The following VIT variants were observed in gnomAD, a reference collection of about 807,000 sequenced individuals.
VIT encodes vitrin.
In VIT, 99 loss-of-function variants were observed where a neutral mutation model predicts 78.0. The ratio of observed to expected loss-of-function variants is 1.27; its 90% confidence interval spans 1.08 to 1.50. The LOEUF is 1.50. Among genes scored for constraint, VIT ranks in the 40% most tolerant of loss-of-function variants. VIT has a pLI of 0.00. For synonymous variants in VIT, 374 were observed against 334.3 expected, an observed-to-expected ratio of 1.12 and a Z score of -1.29; for missense variants, 1,126 against 875.3, an observed-to-expected ratio of 1.29 and a Z score of -3.61.
chr2:36,703,831 A>G (rs1558499363), intron 1 of VIT, among the ~76,000 whole-genome samples: 1 of 151,768 alleles, frequency 6.6e-6, no homozygotes, highest in Non-Finnish European at 1.5e-5. Context: ...TCAGTGTTTG[A>G]GGTTTGGGAT....
At chr2:36,703,497 G>A (rs1665202394) in intron 1 of VIT, among the ~76,000 whole-genome samples, 1 of 152,092 alleles carries the variant, frequency 6.6e-6, no homozygotes, top group African/African-American at 2.4e-5. Context: ...CCATTACACA[G>A]TCAATTACAA....
At chr2:36,748,641 T>G (rs560193641) in intron 4 of VIT, among the ~76,000 whole-genome samples, 13 of 152,342 alleles carry the variant, frequency 8.5e-5, no homozygotes, top group African/African-American at 3.1e-4. Flanking sequence ...TTGGATCATT[T>G]TATGGGCTTC....
chr2:36,754,901 A>T lies in VIT; in HGVS notation c.276-20A>T, dbSNP rs778529762. The stretch of plus-strand genomic sequence containing the variant: ...AAATATTTCTGTTCTTTCCTGAAAA[A>T]TTATTTTTTCTCTTCATAGTGGTGT... On this transcript the variant is annotated intron_variant, in intron 4 of 15. Transcript: ENST00000379242. 2 of 1,600,564 alleles carry T rather than the reference A, an allele frequency of 1.2e-6. No homozygotes were observed. The highest frequency in any genetic ancestry group is 1.8e-5 in the Admixed American group (1 of 56,996).
chr2:36,734,951 G>T (rs189163912), intron 3 of VIT, among the ~76,000 whole-genome samples: 1 of 152,212 alleles, frequency 6.6e-6, no homozygotes, highest in East Asian at 1.9e-4. Flanking sequence ...ATCGCCTGAG[G>T]TCAGGAGTTC....
chr2:36,762,981 A>G (rs1669212620), intron 6 of VIT, among the ~76,000 whole-genome samples: 1 of 152,108 alleles, frequency 6.6e-6, no homozygotes, highest in Admixed American at 6.5e-5. Context: ...GAGCTAAATA[A>G]AAACAGGGAA....
chr2:36,782,326 A>C (rs1664814124), intron 10 of VIT, among the ~76,000 whole-genome samples: 1 of 152,186 alleles, frequency 6.6e-6, no homozygotes, highest in South Asian at 2.1e-4. Context: ...TTTCCACGAC[A>C]GGCTCCTGGC....
intron 2 of VIT, among the ~76,000 whole-genome samples, chr2:36,722,343 G>A (rs773708209): frequency 3.3e-5 from 5 of 152,184 alleles, no homozygotes; most frequent in Admixed American, 6.5e-5. Flanking sequence ...CATTAGCCAA[G>A]GGGTTAAAAC....
chr2:36,802,945 A>G (rs1666437479), intron 13 of VIT, among the ~76,000 whole-genome samples: 2 of 152,256 alleles, frequency 1.3e-5, no homozygotes, highest in South Asian at 4.1e-4. Context: ...GGCTTCCTGC[A>G]GAAGTAGGAC....
rs180815493 is a variant in VIT, at chr2:36,707,547, G to C, written c.-18-8806G>C. On this transcript the variant is annotated intron_variant, in intron 1 of 15. Coordinates refer to ENST00000379242, the MANE Select transcript of VIT (RefSeq NM_053276.4). ...AAGCCTGGAGCAATTGCCAGCAAGC[G>C]GGGATGTTTAACCATCCTTGCCTTA... Among the ~76,000 whole-genome samples the C allele has an allele frequency of 1.1e-4, 17 of 152,278 alleles. No individual in the cohort carries two copies. The South Asian group carries it at 1.2e-3, about 11-fold the overall frequency.
rs552584190 is a variant in VIT, at chr2:36,809,907, C to T, written c.1903+922C>T. 2.4e-3 allele frequency among the ~76,000 whole-genome samples: 358 copies of T among 149,540 alleles called. 1 individual carries two copies. The highest frequency in any genetic ancestry group is 4.0e-3 in the Non-Finnish European group (270 of 67,692). On this transcript the variant is annotated intron_variant, in intron 15 of 15. Coordinates refer to ENST00000379242, the MANE Select transcript of VIT (RefSeq NM_053276.4). ...TCGGCAGGCTGAGGTGGGAGGATTA[C>T]TTGAGCCCTGGAGTTGGAGGCTGCA...
Position 36,773,845 on chromosome 2 carries a change from C to T in VIT, c.734C>T (p.Pro245Leu), listed in dbSNP as rs137902057. The T allele has an allele frequency of 6.3e-7, 1 of 1,594,820 alleles. No individual in the cohort carries two copies. The highest frequency in any genetic ancestry group is 8.6e-7 in the Non-Finnish European group (1 of 1,168,746). Residue 245 changes from proline (P) to leucine (L), a missense_variant and splice_region_variant, in exon 8 of 16, where the codon CCA becomes CTA. Pro to Leu is a moderately conservative substitution (Grantham distance 98, BLOSUM62 -3). Transcript: ENST00000379242. ...AGCCAAAACAGGCCCAGAGCTGATCCAGGTAAGACCTTAAACTCCCTTTCC... is the reference window on the plus strand; with the variant it reads ...AGCCAAAACAGGCCCAGAGCTGATCTAGGTAAGACCTTAAACTCCCTTTCC... Reference protein sequence around the residue: ...TSSQNRPRADPGIQRQDPSGA... With the variant: ...TSSQNRPRADLGIQRQDPSGA...
At position 36,726,834 on chromosome 2, in the gene VIT, A is replaced by C. The variant is rs549690067; in HGVS notation, c.53-2592A>C. ...ACTCTGTCTCAAAAAAAAAAAAAAA[A>C]AAAAAAAAACAAAACCTCAGAAGAG... is the stretch of plus-strand genomic sequence containing the variant. On this transcript the variant is annotated intron_variant, in intron 2 of 15. Coordinates refer to ENST00000379242, the MANE Select transcript of VIT (RefSeq NM_053276.4). Among the ~76,000 whole-genome samples, 767 of 149,692 alleles carry C rather than the reference A, an allele frequency of 5.1e-3. 5 individuals are homozygous for C. Among genetic ancestry groups the C allele is most frequent in the African/African-American group, 0.015 (632 of 40,820 alleles).
chr2:36,796,242 C>A (rs1356439816), intron 12 of VIT, among the ~76,000 whole-genome samples: 1 of 152,098 alleles, frequency 6.6e-6, no homozygotes, highest in Non-Finnish European at 1.5e-5. Flanking sequence ...TAAAGATATA[C>A]TGCATATAAT....
chr2:36,757,302 G>C (rs191535628), intron 5 of VIT, among the ~76,000 whole-genome samples: 18 of 152,316 alleles, frequency 1.2e-4, no homozygotes, highest in South Asian at 2.1e-4. Flanking sequence ...TGAGCTAAGA[G>C]GGGGAGCAAA....
At chr2:36,755,338 A>G (rs1668699855) in intron 5 of VIT, among the ~76,000 whole-genome samples, 1 of 152,232 alleles carries the variant, frequency 6.6e-6, no homozygotes, top group South Asian at 2.1e-4. Context: ...TACATTTAAT[A>G]GCTTGGGTTT....
intron 11 of VIT, among the ~76,000 whole-genome samples, chr2:36,783,981 A>G (rs1400956235): frequency 6.6e-6 from 1 of 152,180 alleles, no homozygotes; most frequent in Non-Finnish European, 1.5e-5. Flanking sequence ...GAACAGCCCA[A>G]TCAGAAATTT....
At chr2:36,703,375 A>G (rs1335566483) in intron 1 of VIT, among the ~76,000 whole-genome samples, 1 of 138,428 alleles carries the variant, frequency 7.2e-6, no homozygotes, top group Non-Finnish European at 1.6e-5. Context: ...CACTTCAGGC[A>G]ATAGTGAGAG....
chr2:36,778,298 C>T (rs1414549614), intron 9 of VIT, among the ~76,000 whole-genome samples: 1 of 152,186 alleles, frequency 6.6e-6, no homozygotes, highest in African/African-American at 2.4e-5. Flanking sequence ...CACACTGCGT[C>T]CCCCACTGCC....
intron 3 of VIT, among the ~76,000 whole-genome samples, chr2:36,732,163 A>G (rs1449477755): frequency 1.3e-5 from 2 of 152,244 alleles, no homozygotes; most frequent in African/African-American, 4.8e-5. Flanking sequence ...TGTTTCCAGT[A>G]TCTTCATTAA....
Sources: gnomAD v4.1 joint callset for allele counts (sites outside exome capture counted in the v4.1 genomes callset) on GRCh38, gnomAD v4.1.1 for gene constraint, MANE v1.5 for transcripts, NCBI Gene and HGNC (gene_info 2026-07-23, HGNC 2026-07-21) for gene names.